SERINC5: variants seen among roughly 807,000 people sequenced by gnomAD.
SERINC5 encodes serine incorporator 5.
SERINC5 carries 41 observed loss-of-function variants against 63.1 expected under a neutral mutation model. The observed-to-expected ratio is 0.65, with a 90% CI of 0.51 to 0.84. The LOEUF (loss-of-function observed/expected upper bound fraction) is 0.84, where lower values mean the gene tolerates loss of function less well. SERINC5 is among the 40% of genes least tolerant of loss of function. SERINC5 has a pLI of 0.00. For missense variants in SERINC5, 523 were observed against 573.0 expected (o/e 0.91, Z 0.89); for synonymous variants, 222 against 215.2 (o/e 1.03, Z -0.28).
chr5:80,249,089 T>A (rs1045966642), intron 1 of SERINC5, among the ~76,000 whole-genome samples: 5 of 150,672 alleles, frequency 3.3e-5, no homozygotes, highest in African/African-American at 1.2e-4. Flanking sequence ...CCAAGGCGGG[T>A]GGATCACGAG....
intron 8 of SERINC5, chr5:80,157,854 T>C (rs1746638310): frequency 1.3e-5 from 2 of 152,216 alleles, no homozygotes; most frequent in Non-Finnish European, 2.9e-5. Flanking sequence ...GCTTGATGTG[T>C]GACCCTGAGC....
chr5:80,161,507 A>C (rs572498230), intron 7 of SERINC5, among the ~76,000 whole-genome samples: 1 of 152,256 alleles, frequency 6.6e-6, no homozygotes, highest in Admixed American at 6.5e-5. Context: ...CTTTAGAAAA[A>C]AAATGAAATG....
At chr5:80,162,189 T>C (rs1746978186) in intron 7 of SERINC5, among the ~76,000 whole-genome samples, 2 of 151,232 alleles carry the variant, frequency 1.3e-5, no homozygotes, top group Admixed American at 6.6e-5. Flanking sequence ...TTAGGATTGC[T>C]TTAGCTATTC....
chr5:80,179,851 A>C (rs1748303619), intron 2 of SERINC5, among the ~76,000 whole-genome samples: 1 of 152,240 alleles, frequency 6.6e-6, no homozygotes, highest in Non-Finnish European at 1.5e-5. Flanking sequence ...AGATGAGTTA[A>C]ATCATACTTT....
intron 2 of SERINC5, among the ~76,000 whole-genome samples, chr5:80,197,363 G>GAGAA (rs1334177029): frequency 8.0e-5 from 6 of 75,372 alleles, no homozygotes; most frequent in Non-Finnish European, 1.7e-4. Context: ...GAGAGAGAGA[G>GAGAA]AACGGACCAG....
chr5:80,250,205 C>T (rs562550100), intron 1 of SERINC5, among the ~76,000 whole-genome samples: 1 of 152,260 alleles, frequency 6.6e-6, no homozygotes, highest in South Asian at 2.1e-4. Flanking sequence ...CAATCAAGTC[C>T]ACGAAGCAGA....
At chr5:80,229,418 T>C (rs1208970681) in intron 1 of SERINC5, among the ~76,000 whole-genome samples, 1 of 151,860 alleles carries the variant, frequency 6.6e-6, no homozygotes, top group African/African-American at 2.4e-5. Context: ...AAAATAGTTT[T>C]GCAACCAACC....
intron 1 of SERINC5, among the ~76,000 whole-genome samples, chr5:80,251,689 C>T (rs1248687850): frequency 6.7e-6 from 1 of 150,010 alleles, no homozygotes; most frequent in Non-Finnish European, 1.5e-5. Flanking sequence ...AAGATTGCGC[C>T]ACTGCACTCC....
intron 7 of SERINC5, among the ~76,000 whole-genome samples, chr5:80,160,990 ATGTATATATATACGTGTATATATACG>A (rs1300163345): frequency 1.7e-4 from 25 of 149,654 alleles, no homozygotes; most frequent in Non-Finnish European, 3.4e-4. Flanking sequence ...ATGTGTGTAT[ATGTATATATATACGTGTATATATACG>A]TGTATATATA....
intron 8 of SERINC5, among the ~76,000 whole-genome samples, chr5:80,155,040 T>C (rs1746431698): frequency 6.6e-6 from 1 of 152,006 alleles, no homozygotes; most frequent in African/African-American, 2.4e-5. Context: ...AAGTTGGGAG[T>C]AGAGAGCTAC....
At position 80,142,079 on chromosome 5, in the gene SERINC5, A is replaced by G. The variant is rs1745542132; in HGVS notation, c.*1584T>C. 1.0e-6 allele frequency: 1 copy of G among 985,318 alleles called. No homozygotes were observed. 61.0% of individuals were successfully genotyped at this position (985,318 alleles called of 1,614,324 possible). ...ATACAGTAGGGCACAGAAAAAAATG[A>G]CTAGGCTGAGCCTTTTATTCTTAGA... On this transcript the variant is annotated 3_prime_UTR_variant, in exon 12 of 12. Transcript: ENST00000507668.
At chr5:80,224,617 T>C (rs1751082399) in intron 1 of SERINC5, among the ~76,000 whole-genome samples, 1 of 152,100 alleles carries the variant, frequency 6.6e-6, no homozygotes, top group African/African-American at 2.4e-5. Context: ...TCTTGAAAAG[T>C]GTATAAAAAC....
In SERINC5 at chr5:80,158,866, C is replaced by T; in HGVS notation, c.956G>A (p.Ser319Asn). ...DENLVTILGT[S>N]LLIGCILYSC... is the part of the protein sequence containing the mutation. ...ATACAAGATACATCCGATTAAGAGG[C>T]TGGTCCCCAGTATAGTCACCAAGTT... Residue 319 changes from serine to asparagine, a missense_variant, in exon 8 of 12, where the codon AGC becomes AAC. Ser to Asn is a conservative substitution (Grantham distance 46). Coordinates refer to ENST00000507668, the MANE Select transcript of SERINC5 (RefSeq NM_001174072.3). 2 of 1,613,606 alleles carry T rather than the reference C, an allele frequency of 1.2e-6. No individual in the cohort carries two copies. The highest frequency in any genetic ancestry group is 1.7e-6 in the Non-Finnish European group (2 of 1,179,720).
At chr5:80,208,481 G>A (rs189800395) in intron 1 of SERINC5, among the ~76,000 whole-genome samples, 4 of 152,212 alleles carry the variant, frequency 2.6e-5, no homozygotes, top group East Asian at 3.9e-4. Flanking sequence ...GCTGAATAAT[G>A]TATGGTGAAG....
chr5:80,206,815 T>TTTA (rs1750188447), intron 1 of SERINC5, among the ~76,000 whole-genome samples: 1 of 148,916 alleles, frequency 6.7e-6, no homozygotes, highest in Non-Finnish European at 1.5e-5. Context: ...TGATTGCTTT[T>TTTA]TTTTTTTTTT....
chr5:80,208,684 C>A (rs538645088), intron 1 of SERINC5, among the ~76,000 whole-genome samples: 1 of 152,224 alleles, frequency 6.6e-6, no homozygotes, highest in Non-Finnish European at 1.5e-5. Context: ...GGGAGTCCAA[C>A]AACATCTTCA....
chr5:80,216,554 T>A (rs1750673008), intron 1 of SERINC5, among the ~76,000 whole-genome samples: 1 of 152,102 alleles, frequency 6.6e-6, no homozygotes, highest in Admixed American at 6.6e-5. Flanking sequence ...TGGCACCCAC[T>A]GAGGCAACAA....
Position 80,146,120 on chromosome 5 carries a change from T to C in SERINC5, c.1208A>G (p.Tyr403Cys), listed in dbSNP as rs1046930934. ...CCAGTTGGTGACGGTCATCATCACATACAGGGAAGCTAGGAAGAACACGAA... is the reference window on the plus strand; with the variant it reads ...CCAGTTGGTGACGGTCATCATCACACACAGGGAAGCTAGGAAGAACACGAA... ...FHFVFFLASL[Y>C]VMMTVTNWFN... Residue 403 changes from tyrosine to cysteine, a missense_variant, in exon 11 of 12, where the codon TAT (tyrosine) becomes TGT (cysteine). Transcript: ENST00000507668. The C allele has an allele frequency of 6.2e-7, 1 of 1,614,000 alleles. No homozygotes were observed. The highest frequency in any genetic ancestry group is 8.5e-7 in the Non-Finnish European group (1 of 1,179,874).
chr5:80,144,751 T>G (rs1273311742), intron 11 of SERINC5, among the ~76,000 whole-genome samples: 1 of 152,210 alleles, frequency 6.6e-6, no homozygotes, highest in Non-Finnish European at 1.5e-5. Context: ...ACACCATATT[T>G]GACTTGCGTC....
Sources: gnomAD v4.1 joint callset for allele counts (sites outside exome capture counted in the v4.1 genomes callset) on GRCh38, gnomAD v4.1.1 for gene constraint, MANE v1.5 for transcripts, NCBI Gene and HGNC (gene_info 2026-07-23, HGNC 2026-07-21) for gene names.